ATP9B: variants seen among roughly 807,000 people sequenced by gnomAD.
ATP9B encodes the protein probable phospholipid-transporting ATPase IIB.
ATP9B carries 110 observed loss-of-function variants against 146.1 expected under a neutral mutation model. The observed-to-expected ratio is 0.75, with a 90% CI of 0.65 to 0.88. ATP9B has a LOEUF of 0.88. Among genes scored for constraint, ATP9B ranks in the 40% least tolerant of loss-of-function variants. The pLI is 0.00. For missense variants in ATP9B, 1,499 were observed against 1,496.4 expected (o/e 1.00, Z -0.03); for synonymous variants, 604 against 569.7 (o/e 1.06, Z -0.86).
At position 79,372,918 on chromosome 18, in the gene ATP9B, T is replaced by C. The variant is rs571767461; in HGVS notation, c.3070+36T>C. 8.9e-6 allele frequency: 13 copies of C among 1,464,292 alleles called. No individual in the cohort carries two copies. In the Admixed American group the frequency reaches 2.2e-4, roughly 24 times the overall value. 90.7% of individuals were successfully genotyped at this position (1,464,292 alleles called of 1,614,324 possible). Reference sequence around the variant, plus strand: ...ATCCTTAGTTTACTGGACTAAAGATTTTTTTATTTTGGTCTTTTTGTTAGC... The same window carrying C: ...ATCCTTAGTTTACTGGACTAAAGATCTTTTTATTTTGGTCTTTTTGTTAGC... On this transcript the variant is annotated intron_variant, in intron 27 of 29. Coordinates refer to ENST00000426216, the MANE Select transcript of ATP9B (RefSeq NM_198531.5).
intron 17 of ATP9B, among the ~76,000 whole-genome samples, chr18:79,331,601 A>G (rs754780440): frequency 6.6e-6 from 1 of 152,102 alleles, no homozygotes; most frequent in Non-Finnish European, 1.5e-5. Flanking sequence ...AAAGCCTTTC[A>G]TTTTATTAAA....
At chr18:79,194,260 A>G (rs1233787962) in intron 9 of ATP9B, 1 of 152,222 alleles carries the variant, frequency 6.6e-6, no homozygotes, top group Non-Finnish European at 1.5e-5. Flanking sequence ...ACAAAAAGGT[A>G]CCCTTGGTAA....
chr18:79,364,095 G>A (rs62097670), intron 26 of ATP9B: 34,821 of 151,976 alleles, frequency 0.23, 4,612 homozygotes, highest in East Asian at 0.45. Flanking sequence ...GTGAAACACC[G>A]TCTCTACTAA....
chr18:79,157,725 T>C (rs1222285320), intron 7 of ATP9B, among the ~76,000 whole-genome samples: 1 of 152,200 alleles, frequency 6.6e-6, no homozygotes, highest in African/African-American at 2.4e-5. Flanking sequence ...TTTGTGTCTT[T>C]TTCATAATTT....
intron 13 of ATP9B, among the ~76,000 whole-genome samples, chr18:79,289,591 G>A (rs955906456): frequency 6.6e-6 from 1 of 152,008 alleles, no homozygotes; most frequent in South Asian, 2.1e-4. Context: ...TAGTTTGATC[G>A]TCTGAAGCCT....
chr18:79,211,065 A>G (rs182655330), intron 10 of ATP9B, among the ~76,000 whole-genome samples: 19 of 152,356 alleles, frequency 1.2e-4, no homozygotes, highest in African/African-American at 4.3e-4. Flanking sequence ...CAAATTAAAC[A>G]TATCAGTGGT....
chr18:79,273,139 C>T (rs531797516), intron 12 of ATP9B, among the ~76,000 whole-genome samples: 1 of 152,114 alleles, frequency 6.6e-6, no homozygotes, highest in African/African-American at 2.4e-5. Context: ...TTTGTTTGGC[C>T]CATAAGGGGA....
rs58656067 is a variant in ATP9B at position 79,252,797 on chromosome 18, CT to C, written c.1108-567del. Among the ~76,000 whole-genome samples the C allele has an allele frequency of 8.0e-3, 1,105 of 137,368 alleles. 11 individuals are homozygous for C. The highest frequency in any genetic ancestry group is 0.02 in the African/African-American group (762 of 37,394). 90.1% of individuals were successfully genotyped at this position (137,368 alleles called of 152,430 possible). A position where few individuals can be genotyped will look rare whatever the true frequency, so the allele number is the denominator to read the frequency against. On this transcript the variant is annotated intron_variant, in intron 11 of 29. Coordinates refer to ENST00000426216, the MANE Select transcript of ATP9B (RefSeq NM_198531.5). ...TTTATTTTAAGCTAGCTAACTATTG[CT>C]TTTTTTTTTTTTTTTTCTGTAAGAC...
chr18:79,268,504 C>G (rs2096225902), intron 12 of ATP9B, among the ~76,000 whole-genome samples: 1 of 152,034 alleles, frequency 6.6e-6, no homozygotes, highest in Admixed American at 6.5e-5. Context: ...TAAGTGGTTT[C>G]TGTTCTTTTA....
At chr18:79,270,650 C>T (rs1281233836) in intron 12 of ATP9B, among the ~76,000 whole-genome samples, 2 of 152,140 alleles carry the variant, frequency 1.3e-5, no homozygotes, top group African/African-American at 2.4e-5. Flanking sequence ...TTTCAACCAG[C>T]AATGATGGCT....
chr18:79,124,769 C>T (rs887136388), intron 4 of ATP9B, among the ~76,000 whole-genome samples: 10 of 152,074 alleles, frequency 6.6e-5, no homozygotes, highest in East Asian at 1.9e-4. Context: ...AGCCTGCGTC[C>T]GGCTGGGGTG....
rs138801562 is a variant in ATP9B, at chr18:79,261,195, G to A, written c.1268+7654G>A. ...TATTGGGATGGGGTAAATGTATTCT[G>A]CATTTGGGACCAGTGTAAATTTGCG... is the stretch of plus-strand genomic sequence containing the variant. On this transcript the variant is annotated intron_variant, in intron 12 of 29. Coordinates refer to ENST00000426216, the MANE Select transcript of ATP9B (RefSeq NM_198531.5). Among the ~76,000 whole-genome samples, 1,100 of 152,242 alleles carry A rather than the reference G, an allele frequency of 7.2e-3. 3 individuals are homozygous for A. The highest frequency in any genetic ancestry group is 0.014 in the Middle Eastern group (4 of 294).
intron 26 of ATP9B, among the ~76,000 whole-genome samples, chr18:79,368,097 C>G (rs189791339): frequency 6.6e-6 from 1 of 151,546 alleles, no homozygotes; most frequent in Non-Finnish European, 1.5e-5. Flanking sequence ...GTGAGCTGGA[C>G]GGCGCCGTGG....
chr18:79,329,932 T>G, intron 16 of ATP9B, 80 bp from the exon 17 acceptor site: 1 of 1,279,210 alleles, frequency 7.8e-7, no homozygotes, highest in Non-Finnish European at 1.1e-6. Flanking sequence ...TTTTCCATTG[T>G]ATGTTTTATT....
chr18:79,092,897 A>G lies in ATP9B; in HGVS notation c.120-3579A>G, dbSNP rs563836049. Among the ~76,000 whole-genome samples the G allele has an allele frequency of 1.1e-3, 175 of 152,302 alleles. 1 individual carries two copies. Among genetic ancestry groups the G allele is most frequent in the African/African-American group, 4.0e-3 (166 of 41,564 alleles). ...AGAAAATGTCTGATCTAAAATAATA[A>G]TGATACAGTATAGTAAATACATAAA... On this transcript the variant is annotated intron_variant, in intron 1 of 29. Coordinates refer to ENST00000426216, the MANE Select transcript of ATP9B (RefSeq NM_198531.5).
intron 7 of ATP9B, among the ~76,000 whole-genome samples, chr18:79,165,092 T>C (rs1007308902): frequency 6.6e-6 from 1 of 152,238 alleles, no homozygotes; most frequent in Non-Finnish European, 1.5e-5. Context: ...ATGACACTCA[T>C]GACAGGCTTT....
At chr18:79,288,968 T>G (rs1282895168) in intron 13 of ATP9B, among the ~76,000 whole-genome samples, 1 of 152,210 alleles carries the variant, frequency 6.6e-6, no homozygotes, top group Non-Finnish European at 1.5e-5. Flanking sequence ...CTTGTAGAGT[T>G]TCTGCCGAGA....
intron 12 of ATP9B, among the ~76,000 whole-genome samples, chr18:79,274,906 G>A (rs994179541): frequency 2.0e-5 from 3 of 152,212 alleles, no homozygotes; most frequent in East Asian, 1.9e-4. Context: ...TCTAACCACG[G>A]AAACGGTTTC....
At chr18:79,157,408 A>AAAAACAACAAC (rs1555714792) in intron 7 of ATP9B, among the ~76,000 whole-genome samples, 2 of 148,050 alleles carry the variant, frequency 1.4e-5, no homozygotes, top group African/African-American at 2.5e-5. Context: ...AAAAAAAAAA[A>AAAAACAACAAC]AAAAAAAAAA....
Sources: allele counts gnomAD v4.1 joint callset (sites outside exome capture counted in the v4.1 genomes callset), GRCh38; gene constraint gnomAD v4.1.1; transcripts MANE v1.5; gene names NCBI Gene and HGNC (gene_info 2026-07-23, HGNC 2026-07-21).